The following APPL1 variants were observed in gnomAD, a reference collection of about 807,000 sequenced individuals.
The protein encoded by APPL1 is DCC-interacting protein 13-alpha.
A neutral mutation model predicts 106.8 loss-of-function variants in APPL1; 42 were observed. That is an observed-to-expected ratio of 0.39 (90% CI 0.31 to 0.51). The LOEUF is 0.51. Among genes scored for constraint, APPL1 ranks in the 20% least tolerant of loss-of-function variants. APPL1 has a pLI of 0.75. For missense variants in APPL1, 769 were observed against 858.2 expected (o/e 0.90, Z 1.30); for synonymous variants, 263 against 281.8 (o/e 0.93, Z 0.67).
At chr3:57,252,969 G>A (rs2060813302) in intron 12 of APPL1, among the ~76,000 whole-genome samples, 1 of 152,142 alleles carries the variant, frequency 6.6e-6, no homozygotes, top group South Asian at 2.1e-4. Context: ...ATGCTATAGA[G>A]ATCTACCTTT....
Position 57,235,639 on chromosome 3 carries a change from C to CTGGTTCA in APPL1, c.129_130insGGTTCAT (p.Met44GlyfsTer8). Reference sequence around the variant, plus strand: ...AACTATATGAACCAGTTGTATCAAGCTATGCATCGGATTTATGATGCACAG... The same window carrying CTGGTTCA: ...AACTATATGAACCAGTTGTATCAAGCTGGTTCATATGCATCGGATTTATGATGCACAG... On this transcript the variant is annotated frameshift_variant, in exon 2 of 22. Transcript: ENST00000288266. LOFTEE classifies it high-confidence loss of function. The CTGGTTCA allele has an allele frequency of 6.2e-7, 1 of 1,613,208 alleles. No individual in the cohort carries two copies. Among genetic ancestry groups the CTGGTTCA allele is most frequent in the African/African-American group, 1.3e-5 (1 of 75,022 alleles).
intron 19 of APPL1, 82 bp downstream of exon 19, chr3:57,260,856 C>A (rs1055850878): frequency 7.6e-7 from 1 of 1,311,836 alleles, no homozygotes; most frequent in African/African-American, 1.5e-5. Flanking sequence ...TAAATTCTTA[C>A]AAATTAAATT....
chr3:57,246,498 T>G (rs564313262), intron 8 of APPL1, among the ~76,000 whole-genome samples: 6 of 152,186 alleles, frequency 3.9e-5, no homozygotes, highest in Non-Finnish European at 7.3e-5. Flanking sequence ...ATTTCAGAGT[T>G]ACACCTATTG....
intron 19 of APPL1, among the ~76,000 whole-genome samples, chr3:57,263,657 C>T (rs2060879374): frequency 6.9e-6 from 1 of 145,200 alleles, no homozygotes; most frequent in Non-Finnish European, 1.5e-5. Flanking sequence ...TATCCATTTT[C>T]TTTATCCATG....
chr3:57,270,691 T>C lies in APPL1; in HGVS notation c.*1004T>C, dbSNP rs975245765. 4 of 152,644 alleles carry C rather than the reference T, an allele frequency of 2.6e-5. No individual in the cohort carries two copies. The East Asian group carries it at 7.7e-4, about 29-fold the overall frequency. 9.5% of individuals were successfully genotyped at this position (152,644 alleles called of 1,614,324 possible). On this transcript the variant is annotated 3_prime_UTR_variant, in exon 22 of 22. Transcript: ENST00000288266. ...TGATATATTCCCAGTATTTTCATAA[T>C]GCCATGTTTTGATAAAGTACTGAAT...
At chr3:57,234,132 T>G (rs1018502101) in intron 1 of APPL1, among the ~76,000 whole-genome samples, 3 of 152,092 alleles carry the variant, frequency 2.0e-5, no homozygotes, top group African/African-American at 7.2e-5. Flanking sequence ...GCATAAATTA[T>G]TTTTAGAATA....
chr3:57,252,973 T>G (rs1056266978), intron 12 of APPL1, among the ~76,000 whole-genome samples: 11 of 152,232 alleles, frequency 7.2e-5, no homozygotes, highest in Admixed American at 2.0e-4. Flanking sequence ...TATAGAGATC[T>G]ACCTTTATTT....
At chr3:57,258,702 A>T (rs1019897979) in intron 15 of APPL1, 77 of 203,754 alleles carry the variant, frequency 3.8e-4, no homozygotes, top group Non-Finnish European at 6.0e-4. Flanking sequence ...AGCAACTAAG[A>T]TTGCAGTTAA....
chr3:57,259,460 T>TTGTG (rs150421675), intron 16 of APPL1, among the ~76,000 whole-genome samples: 3,762 of 149,990 alleles, frequency 0.025, 74 homozygotes, highest in South Asian at 0.036. Context: ...TGTTGTGTGT[T>TTGTG]TGTGTGTGTG....
intron 13 of APPL1, among the ~76,000 whole-genome samples, chr3:57,256,618 T>C (rs561702827): frequency 7.4e-4 from 113 of 152,286 alleles, no homozygotes; most frequent in African/African-American, 2.6e-3. Flanking sequence ...AATACAAACT[T>C]TAATAAAAAA....
At chr3:57,231,969 C>T (rs1287749394) in intron 1 of APPL1, among the ~76,000 whole-genome samples, 3 of 152,112 alleles carry the variant, frequency 2.0e-5, no homozygotes, top group Non-Finnish European at 4.4e-5. Flanking sequence ...AGAATACTGC[C>T]TGGAACCTAG....
chr3:57,267,246 T>G (rs2060899350), intron 19 of APPL1, among the ~76,000 whole-genome samples: 1 of 152,168 alleles, frequency 6.6e-6, no homozygotes, highest in Non-Finnish European at 1.5e-5. Context: ...AACTCCCAAA[T>G]TTTGCCTAGG....
chr3:57,239,988 T>C, intron 4 of APPL1, among the ~76,000 whole-genome samples: 1 of 152,186 alleles, frequency 6.6e-6, no homozygotes, highest in East Asian at 1.9e-4. Context: ...TTATTGGCCA[T>C]TTGTTTATCT....
chr3:57,271,617 G>A lies in APPL1; in HGVS notation c.*1930G>A, dbSNP rs946548498. On this transcript the variant is annotated 3_prime_UTR_variant, in exon 22 of 22. Transcript: ENST00000288266. ...TGAAATCTGTTACTCTACAAGGAAG[G>A]TGTTCATCATTAGGAGGCAGCTTTA... 2 of 152,312 alleles carry A rather than the reference G, an allele frequency of 1.3e-5. No individual in the cohort carries two copies. Among genetic ancestry groups the A allele is most frequent in the South Asian group, 4.1e-4 (2 of 4,826 alleles). The allele number at this position is 152,312 out of a possible 1,614,324, so 9.4% of individuals were successfully genotyped here. A position where few individuals can be genotyped will look rare whatever the true frequency, so the allele number is the denominator to read the frequency against.
chr3:57,241,710 A>G (rs948804754), intron 5 of APPL1, among the ~76,000 whole-genome samples: 3 of 152,184 alleles, frequency 2.0e-5, no homozygotes, highest in Non-Finnish European at 2.9e-5. Context: ...TCTTTTCTTC[A>G]GTGTAAGGGG....
chr3:57,248,422 A>G (rs570734333), intron 10 of APPL1, 71 bp downstream of exon 10: 82 of 1,478,278 alleles, frequency 5.5e-5, no homozygotes, highest in Non-Finnish European at 7.2e-5. Flanking sequence ...ATAGTAAATA[A>G]TTGATGTCTG....
In APPL1 at chr3:57,245,019, C is replaced by T. The variant is rs567632968; in HGVS notation, c.475-1057C>T. Among the ~76,000 whole-genome samples, 5 of 152,138 alleles carry T rather than the reference C, an allele frequency of 3.3e-5. No homozygotes were observed. In the East Asian group the frequency reaches 9.7e-4, roughly 29 times the overall value. On this transcript the variant is annotated intron_variant, in intron 7 of 21. Transcript: ENST00000288266. ...TGTAGTAATTAAGAAAGGTAAGAAA[C>T]AAAGCAGAAGAACAGGTTTTGTGTA...
intron 2 of APPL1, among the ~76,000 whole-genome samples, chr3:57,236,379 A>G (rs1579381459): frequency 7.0e-6 from 1 of 142,598 alleles, no homozygotes; most frequent in Non-Finnish European, 1.5e-5. Context: ...CCCAGGCTGG[A>G]GTGCAATGGT....
At chr3:57,240,631 A>G (rs2060740972) in intron 5 of APPL1, 79 bp downstream of exon 5, 2 of 1,272,298 alleles carry the variant, frequency 1.6e-6, no homozygotes, top group African/African-American at 2.9e-5. Context: ...CTGTACTTAC[A>G]CCATTTCTGG....
Sources: gnomAD v4.1 joint callset for allele counts (sites outside exome capture counted in the v4.1 genomes callset) on GRCh38, gnomAD v4.1.1 for gene constraint, MANE v1.5 for transcripts, NCBI Gene and HGNC (gene_info 2026-07-23, HGNC 2026-07-21) for gene names.